The following ATM variants were observed in gnomAD, a reference collection of about 807,000 sequenced individuals.
ATM encodes the protein ATM serine/threonine kinase, also known as serine-protein kinase ATM.
In ATM, 308 loss-of-function variants were observed where a neutral mutation model predicts 387.0. That is an observed-to-expected ratio of 0.80 (90% CI 0.73 to 0.87). The LOEUF (loss-of-function observed/expected upper bound fraction) is 0.87, where lower values mean the gene tolerates loss of function less well. ATM is among the 40% of genes least tolerant of loss of function. ATM has a pLI of 0.00. For missense variants in ATM, 3,312 were observed against 3,560.9 expected, an observed-to-expected ratio of 0.93 and a Z score of 1.78; for synonymous variants, 1,156 against 1,187.3, an observed-to-expected ratio of 0.97 and a Z score of 0.54.
intron 16 of ATM, among the ~76,000 whole-genome samples, chr11:108,260,069 C>G (rs578040394): frequency 8.0e-6 from 1 of 124,546 alleles, no homozygotes; most frequent in African/African-American, 3.0e-5. Flanking sequence ...AAGTCTTGCT[C>G]TGTTGCCCGG....
chr11:108,300,526 G>A (rs1263627422), intron 34 of ATM, among the ~76,000 whole-genome samples: 2 of 152,080 alleles, frequency 1.3e-5, no homozygotes, highest in Non-Finnish European at 1.5e-5. Flanking sequence ...TCACAACCAG[G>A]CACCTTTCTA....
In ATM at chr11:108,293,471, C is replaced by A. The variant is rs749475519; in HGVS notation, c.4770C>A (p.Leu1590=). 6.2e-7 allele frequency: 1 copy of A among 1,610,260 alleles called. No individual in the cohort carries two copies. Among genetic ancestry groups the A allele is most frequent in the Non-Finnish European group, 8.5e-7 (1 of 1,177,340 alleles). The change falls in exon 31 of 63, where the codon CTC becomes CTA. Residue 1590 remains leucine, a synonymous_variant. Coordinates refer to ENST00000675843, the MANE Select transcript of ATM (RefSeq NM_000051.4). ...KIKYSRGPFS[L]LEEINHFLSV... ...AATACAGTAGAGGACCCTTTTCACT[C>A]TTGGAGGTAATAAAAATTTCATCAT... is the stretch of plus-strand genomic sequence containing the variant.
chr11:108,336,030 C>T, intron 56 of ATM, 69 bp downstream of exon 56: 1 of 1,201,220 alleles, frequency 8.3e-7, no homozygotes, highest in Non-Finnish European at 1.2e-6. Context: ...GGTGAAGTGG[C>T]TCATGCCCAT....
intron 16 of ATM, among the ~76,000 whole-genome samples, chr11:108,261,866 T>G (rs1313668123): frequency 3.9e-5 from 6 of 151,964 alleles, no homozygotes; most frequent in Non-Finnish European, 8.8e-5. Context: ...TGCGATCAAC[T>G]GGAAGAAAGG....
At chr11:108,291,010 T>A (rs950983515) in intron 29 of ATM, among the ~76,000 whole-genome samples, 1 of 151,498 alleles carries the variant, frequency 6.6e-6, no homozygotes, top group African/African-American at 2.4e-5. Flanking sequence ...CTGAGGCGGG[T>A]GGATCACAAG....
At position 108,362,988 on chromosome 11, in the gene ATM, A is replaced by G. The variant is rs1044471410; in HGVS notation, c.8851-2094A>G. On this transcript the variant is annotated intron_variant, in intron 61 of 62. Transcript: ENST00000675843. ...AAAAAAACAAACAACAAAACAAACA[A>G]ACAAAAAAAACACACCCTCCAATGC... is the stretch of plus-strand genomic sequence containing the variant. Among the ~76,000 whole-genome samples, 15 of 152,178 alleles carry G rather than the reference A, an allele frequency of 9.9e-5. No individual in the cohort carries two copies. The South Asian group carries it at 1.9e-3, about 19-fold the overall frequency.
At chr11:108,306,363 T>A (rs2083690394) in intron 37 of ATM, among the ~76,000 whole-genome samples, 1 of 152,186 alleles carries the variant, frequency 6.6e-6, no homozygotes, top group Non-Finnish European at 1.5e-5. Flanking sequence ...GTAAACTATC[T>A]AAAATGTATC....
chr11:108,328,302 A>G (rs1271110834), intron 48 of ATM, among the ~76,000 whole-genome samples: 7 of 152,150 alleles, frequency 4.6e-5, no homozygotes, highest in African/African-American at 1.7e-4. Flanking sequence ...GCTGGAGTGC[A>G]GTGGCGCAAT....
intron 55 of ATM, 73 bp from the exon 56 acceptor site, chr11:108,335,772 T>G: frequency 8.1e-7 from 1 of 1,227,106 alleles, no homozygotes. Flanking sequence ...TGCCCTTTGC[T>G]ATTCTCAGAT....
Position 108,366,830 on chromosome 11 carries a change from G to A in ATM, c.*1322G>A, listed in dbSNP as rs2091358406. On this transcript the variant is annotated 3_prime_UTR_variant, in exon 63 of 63. Coordinates refer to ENST00000675843, the MANE Select transcript of ATM (RefSeq NM_000051.4). ...TCCCACCTTTATGGCAGGGGTGGAA[G>A]GAGGTACATTTAATTCCCACTGCCT... 1 of 229,862 alleles carries A rather than the reference G, an allele frequency of 4.4e-6. No homozygotes were observed. Among genetic ancestry groups the A allele is most frequent in the Non-Finnish European group, 8.6e-6 (1 of 115,996 alleles). The allele number at this position is 229,862 out of a possible 1,614,324, so 14.2% of individuals were successfully genotyped here.
chr11:108,241,738 C>CTTTTTTTTTTTTTTTTTTTTTT (rs1235260816), intron 5 of ATM, among the ~76,000 whole-genome samples: 1 of 82,090 alleles, frequency 1.2e-5, no homozygotes, highest in African/African-American at 4.0e-5. Flanking sequence ...GTCTTTCTTT[C>CTTTTTTTTTTTTTTTTTTTTTT]TTTCTTTTTT....
Position 108,368,373 on chromosome 11 carries a change from G to C in ATM, c.*2865G>C. 1 of 211,430 alleles carries C rather than the reference G, an allele frequency of 4.7e-6. No individual in the cohort carries two copies. Among genetic ancestry groups the C allele is most frequent in the Non-Finnish European group, 9.6e-6 (1 of 104,424 alleles). 13.1% of individuals were successfully genotyped at this position (211,430 alleles called of 1,614,324 possible). ...GAAAACTGCCAAGGACAAATGAGGAGTAGTTAGATTTTGAAAATATTAATC... is the reference window on the plus strand; with the variant it reads ...GAAAACTGCCAAGGACAAATGAGGACTAGTTAGATTTTGAAAATATTAATC... On this transcript the variant is annotated 3_prime_UTR_variant, in exon 63 of 63. Transcript: ENST00000675843.
intron 60 of ATM, among the ~76,000 whole-genome samples, chr11:108,354,440 A>G (rs1276236854): frequency 6.6e-6 from 1 of 152,202 alleles, no homozygotes; most frequent in Admixed American, 6.5e-5. Context: ...AAAGCTTTGC[A>G]GTTCCTTGTA....
At chr11:108,355,746 T>C (rs572119769) in intron 61 of ATM, 1 of 152,376 alleles carries the variant, frequency 6.6e-6, no homozygotes, top group African/African-American at 2.4e-5. Context: ...AATATGTGCA[T>C]TTTTAAAAAT....
At chr11:108,289,365 TATTTA>T (rs759138314) in intron 28 of ATM, among the ~76,000 whole-genome samples, 2 of 152,220 alleles carry the variant, frequency 1.3e-5, no homozygotes, top group Non-Finnish European at 1.5e-5. Context: ...AGGAATATAC[TATTTA>T]ATTGTAGTTT....
At chr11:108,289,318 T>A (rs2082658682) in intron 28 of ATM, among the ~76,000 whole-genome samples, 1 of 152,208 alleles carries the variant, frequency 6.6e-6, no homozygotes, top group African/African-American at 2.4e-5. Context: ...GACACTTTAG[T>A]GATATATTAG....
At chr11:108,285,593 G>A (rs137950775) in intron 26 of ATM, among the ~76,000 whole-genome samples, 332 of 151,552 alleles carry the variant, frequency 2.2e-3, no homozygotes, top group African/African-American at 7.7e-3. Flanking sequence ...GTCAATATTA[G>A]ATAAACTTCA....
rs786202856 is a variant in ATM at position 108,329,220 on chromosome 11, A to G, written c.7289A>G (p.His2430Arg). ...GAGGAAGTAGGTCTCCTTAGGGAAC[A>G]TAAAATTCAGACAAACAGGTAACTA... Reference protein sequence around the residue: ...AKEEVGLLREHKIQTNRYTVK... With the variant: ...AKEEVGLLRERKIQTNRYTVK... Residue 2430 changes from histidine (H) to arginine (R), a missense_variant, in exon 49 of 63, where the codon CAT (histidine) becomes CGT (arginine). Around this residue, in one of 4 missense-constraint regions of ATM, gnomAD observed 1,405 missense variants for 1,604.4 expected, o/e 0.88. Transcript: ENST00000675843. 1.9e-6 allele frequency: 3 copies of G among 1,613,452 alleles called. No individual in the cohort carries two copies. The highest frequency in any genetic ancestry group is 2.5e-6 in the Non-Finnish European group (3 of 1,179,606).
intron 28 of ATM, among the ~76,000 whole-genome samples, chr11:108,289,307 T>C (rs1390373108): frequency 6.6e-6 from 1 of 152,190 alleles, no homozygotes; most frequent in Non-Finnish European, 1.5e-5. Context: ...CAGAATCTTG[T>C]GACACTTTAG....
Sources: gnomAD v4.1 joint callset for allele counts (sites outside exome capture counted in the v4.1 genomes callset) on GRCh38, gnomAD v4.1.1 for gene constraint, gnomAD v4.1.1 regional missense constraint, MANE v1.5 for transcripts, NCBI Gene and HGNC (gene_info 2026-07-23, HGNC 2026-07-21) for gene names.